MYL3: variants seen among roughly 807,000 people sequenced by gnomAD.
MYL3 encodes the protein myosin light chain 3.
A neutral mutation model predicts 21.3 loss-of-function variants in MYL3; 11 were observed. That is an observed-to-expected ratio of 0.52 (90% CI 0.32 to 0.85). The LOEUF (loss-of-function observed/expected upper bound fraction) is 0.85, where lower values mean the gene tolerates loss of function less well. Among genes scored for constraint, MYL3 ranks in the 40% least tolerant of loss-of-function variants. The pLI, the probability that MYL3 is intolerant of heterozygous loss-of-function variation, is 0.03. For synonymous variants in MYL3, 88 were observed against 91.6 expected (o/e 0.96, Z 0.22); for missense variants, 206 against 253.3 (o/e 0.81, Z 1.27).
chr3:46,869,605 CGT>C (rs1012245589), intron 1 of MYL3, among the ~76,000 whole-genome samples: 1 of 152,216 alleles, frequency 6.6e-6, no homozygotes, highest in African/African-American at 2.4e-5. Context: ...TGAGGCCACA[CGT>C]GTGATTGTGT....
At chr3:46,864,656 G>T (rs1702029779), upstream of MYL3, among the ~76,000 whole-genome samples, 1 of 152,166 alleles carries the variant, frequency 6.6e-6, no homozygotes, top group Non-Finnish European at 1.5e-5. This position sits in a 1 kb window ranked among gnomAD's most constrained non-coding sequence, Gnocchi z 4.7. Flanking sequence ...CTCTGAGAGG[G>T]TCTGCCTCTC....
intron 1 of MYL3, among the ~76,000 whole-genome samples, chr3:46,881,794 A>T (rs901833895): frequency 3.3e-5 from 5 of 151,608 alleles, no homozygotes; most frequent in Admixed American, 2.6e-4. Context: ...CTCCCCAGGG[A>T]CCCCGACCCG....
In MYL3 at chr3:46,869,103, G is replaced by A. The variant is rs144261207; in HGVS notation, c.-217-2503C>T. Among the ~76,000 whole-genome samples, 988 of 152,208 alleles carry A rather than the reference G, an allele frequency of 6.5e-3. 9 individuals are homozygous for A. The highest frequency in any genetic ancestry group is 6.8e-3 in the Middle Eastern group (2 of 294). On this transcript the variant is annotated intron_variant, in intron 1 of 3. Transcript: ENST00000431168. ...AGCTCTGCCTGCTGGTCCAGCTTCC[G>A]GACAGGGGCCCGGCCCCTCCCCCCA...
intron 1 of MYL3, among the ~76,000 whole-genome samples, chr3:46,872,800 T>G (rs1366166602): frequency 6.6e-6 from 1 of 152,232 alleles, no homozygotes; most frequent in East Asian, 1.9e-4. Flanking sequence ...GAAGATGCCG[T>G]CAGGCAGATT....
Position 46,858,374 on chromosome 3 carries a change from C to A in MYL3, c.559+10G>T. ...CCCTCCCAGAAGACCCCTGCCCCTG[C>A]TGAGCCCACCTTCATAGTTGATGCA... On this transcript the variant is annotated intron_variant, in intron 5 of 6. Coordinates refer to ENST00000292327, the MANE Select transcript of MYL3 (RefSeq NM_000258.3). 1 of 1,614,178 alleles carries A rather than the reference C, an allele frequency of 6.2e-7. No individual in the cohort carries two copies. The highest frequency in any genetic ancestry group is 8.5e-7 in the Non-Finnish European group (1 of 1,180,042).
chr3:46,872,051 C>T (rs368424229), intron 1 of MYL3, among the ~76,000 whole-genome samples: 42 of 152,312 alleles, frequency 2.8e-4, no homozygotes, highest in African/African-American at 6.3e-4. Flanking sequence ...CACACCTGCA[C>T]AGTGGGGCGA....
At position 46,861,860 on chromosome 3, in the gene MYL3, C is replaced by T. The variant is rs749959874; in HGVS notation, c.130-873G>A. 2.0e-5 allele frequency among the ~76,000 whole-genome samples: 3 copies of T among 152,166 alleles called. No homozygotes were observed. The highest frequency in any genetic ancestry group is 6.5e-5 in the Admixed American group (1 of 15,282). On this transcript the variant is annotated intron_variant, in intron 1 of 6. Transcript: ENST00000292327. This position sits in a 1 kb window ranked among gnomAD's most constrained non-coding sequence, Gnocchi z 4.2. ...GGCGTCTCTCTCATGGCTGCTGCCACGGAGCCCCACCAATCTCCACAGTGC... is the reference window on the plus strand; with the variant it reads ...GGCGTCTCTCTCATGGCTGCTGCCATGGAGCCCCACCAATCTCCACAGTGC...
Position 46,874,639 on chromosome 3 carries a change from G to T in MYL3, c.-218+7435C>A, listed in dbSNP as rs1042245092. On this transcript the variant is annotated intron_variant, in intron 1 of 3. Coordinates refer to the MYL3 transcript ENST00000431168. This position sits in a 1 kb window ranked among gnomAD's most constrained non-coding sequence, Gnocchi z 4.1. ...TTTGCAGTCGGCAGGAGCTCTTAAAGGTTATAAATAGCAGCAGCGGGAGCC... is the reference window on the plus strand; with the variant it reads ...TTTGCAGTCGGCAGGAGCTCTTAAATGTTATAAATAGCAGCAGCGGGAGCC... 6.6e-6 allele frequency among the ~76,000 whole-genome samples: 1 copy of T among 152,190 alleles called. No individual in the cohort carries two copies. Among genetic ancestry groups the T allele is most frequent in the Non-Finnish European group, 1.5e-5 (1 of 68,038 alleles).
upstream of MYL3, among the ~76,000 whole-genome samples, chr3:46,865,278 G>C (rs965769858): frequency 6.6e-6 from 1 of 152,036 alleles, no homozygotes; most frequent in African/African-American, 2.4e-5. The surrounding 1 kb of genome is among the most constrained non-coding windows in gnomAD (Gnocchi z 4.3). Context: ...GGACTGGCGG[G>C]GGGGCAAGTT....
chr3:46,880,079 A>G (rs2030458059), intron 1 of MYL3, among the ~76,000 whole-genome samples: 1 of 152,222 alleles, frequency 6.6e-6, no homozygotes, highest in Admixed American at 6.5e-5. Context: ...CCATTAAAAT[A>G]TAACACTGAA....
intron 1 of MYL3, chr3:46,880,234 C>T (rs1246766380): frequency 6.6e-6 from 1 of 152,270 alleles, no homozygotes; most frequent in Non-Finnish European, 1.5e-5. Context: ...AGGGGAGTGT[C>T]CTTTACACCA....
chr3:46,869,287 A>G (rs1237861899), intron 1 of MYL3, among the ~76,000 whole-genome samples: 2 of 152,174 alleles, frequency 1.3e-5, no homozygotes, highest in African/African-American at 4.8e-5. Context: ...GGGAGCTGCT[A>G]TTGAGGTTTG....
intron 1 of MYL3, among the ~76,000 whole-genome samples, chr3:46,873,477 G>T (rs949350538): frequency 3.3e-5 from 5 of 152,156 alleles, no homozygotes; most frequent in Non-Finnish European, 7.3e-5. Context: ...TGTTTGCGAG[G>T]TCATCACTTC....
intron 1 of MYL3, among the ~76,000 whole-genome samples, chr3:46,873,959 C>T (rs1384731309): frequency 2.0e-5 from 3 of 152,166 alleles, no homozygotes; most frequent in Non-Finnish European, 4.4e-5. Context: ...CTAGCCACCT[C>T]CCGTTAAGCC....
intron 1 of MYL3, among the ~76,000 whole-genome samples, chr3:46,880,526 G>C (rs2030485695): frequency 6.6e-6 from 1 of 152,160 alleles, no homozygotes; most frequent in Non-Finnish European, 1.5e-5. Flanking sequence ...GATCACTTGA[G>C]GTCAGGGGTT....
intron 1 of MYL3, among the ~76,000 whole-genome samples, chr3:46,875,702 ACCCACCAT>A (rs2030170163): frequency 6.6e-6 from 1 of 152,158 alleles, no homozygotes; most frequent in Admixed American, 6.5e-5. Context: ...TCAGGCTCCC[ACCCACCAT>A]CCCACTTATG....
At chr3:46,868,234 C>T (rs1392053219), upstream of MYL3, among the ~76,000 whole-genome samples, 1 of 152,174 alleles carries the variant, frequency 6.6e-6, no homozygotes, top group African/African-American at 2.4e-5. Flanking sequence ...TCCTGTGACC[C>T]GGGCTGGTCC....
At chr3:46,869,286 T>A (rs1371253171) in intron 1 of MYL3, among the ~76,000 whole-genome samples, 1 of 152,086 alleles carries the variant, frequency 6.6e-6, no homozygotes, top group Non-Finnish European at 1.5e-5. Context: ...TGGGAGCTGC[T>A]ATTGAGGTTT....
rs766518985 is a variant in MYL3 at position 46,874,834 on chromosome 3, G to A, written c.-218+7240C>T. Among the ~76,000 whole-genome samples, 7 of 152,150 alleles carry A rather than the reference G, an allele frequency of 4.6e-5. No individual in the cohort carries two copies. Among genetic ancestry groups the A allele is most frequent in the Admixed American group, 2.0e-4 (3 of 15,274 alleles). ...AGAAGGCGTCTGGGAAACAGGACCC[G>A]CTTTGGACCCCCAACCAGTGTCCCC... On this transcript the variant is annotated intron_variant, in intron 1 of 3. Coordinates refer to the MYL3 transcript ENST00000431168. The surrounding 1 kb of genome is among the most constrained non-coding windows in gnomAD (Gnocchi z 4.1).
Sources: allele counts gnomAD v4.1 joint callset (sites outside exome capture counted in the v4.1 genomes callset), GRCh38; gene constraint gnomAD v4.1.1; non-coding constraint Gnocchi (gnomAD v3.1); transcripts MANE v1.5; gene names NCBI Gene and HGNC (gene_info 2026-07-23, HGNC 2026-07-21).